SYNE1: variants seen among roughly 807,000 people sequenced by gnomAD.
SYNE1 encodes the protein nesprin-1.
In SYNE1, 616 loss-of-function variants were observed where a neutral mutation model predicts 1,111.0. The ratio of observed to expected loss-of-function variants is 0.55; its 90% confidence interval spans 0.52 to 0.59. SYNE1 has a LOEUF of 0.59. SYNE1 is among the 20% of genes least tolerant of loss of function. The probability of loss-of-function intolerance (pLI) is 0.00; values close to 1 mark genes in which losing one functional copy is unlikely to be tolerated. For missense variants in SYNE1, 10,006 were observed against 10,417.0 expected, an observed-to-expected ratio of 0.96 and a Z score of 1.72; for synonymous variants, 3,855 against 3,825.8, an observed-to-expected ratio of 1.01 and a Z score of -0.28.
At chr6:152,197,471 C>T (rs977215751) in intron 127 of SYNE1, among the ~76,000 whole-genome samples, 7 of 152,152 alleles carry the variant, frequency 4.6e-5, no homozygotes, top group Admixed American at 2.0e-4. Flanking sequence ...GCAGCTATAG[C>T]CTCACAAAGT....
Position 152,235,123 on chromosome 6 carries a change from T to C in SYNE1, c.20397-323A>G, listed in dbSNP as rs12110523. Among the ~76,000 whole-genome samples, 29,190 of 152,096 alleles carry C rather than the reference T, an allele frequency of 0.19. 3,033 individuals carry two copies. Among genetic ancestry groups the C allele is most frequent in the African/African-American group, 0.24 (10,084 of 41,484 alleles). On this transcript the variant is annotated intron_variant, in intron 110 of 145. Coordinates refer to ENST00000367255, the MANE Select transcript of SYNE1 (RefSeq NM_182961.4). ...GGCGGCTTAGACACAGACTATGTCATTATGTAAAAATCAACCCTCCACCCC... is the reference window on the plus strand; with the variant it reads ...GGCGGCTTAGACACAGACTATGTCACTATGTAAAAATCAACCCTCCACCCC...
intron 127 of SYNE1, among the ~76,000 whole-genome samples, chr6:152,190,642 T>C (rs1372448404): frequency 6.6e-6 from 1 of 152,194 alleles, no homozygotes; most frequent in Admixed American, 6.5e-5. Flanking sequence ...CTGACTACAT[T>C]TGCCTTGTTG....
At chr6:152,452,617 T>C (rs1269770292) in intron 25 of SYNE1, among the ~76,000 whole-genome samples, 1 of 152,198 alleles carries the variant, frequency 6.6e-6, no homozygotes, top group Non-Finnish European at 1.5e-5. Context: ...AACTCCTCCA[T>C]GTAGCGCATG....
In SYNE1 at chr6:152,344,119, G is replaced by A. The variant is rs1323522495; in HGVS notation, c.12187C>T (p.Pro4063Ser). ...TCTGCCCTACTAAGAGGTGGTTGAG[G>A]ACTTGGCTCTAAATCCGGCTGGACT... ...SAVQPDLEPS[P>S]QPPLSRAEAI... The change falls in exon 74 of 146, where the codon CCT (proline) becomes TCT (serine). Residue 4063 changes from proline (P) to serine (S), a missense_variant. Pro to Ser is a moderately conservative substitution (Grantham distance 74, BLOSUM62 -1). Coordinates refer to ENST00000367255, the MANE Select transcript of SYNE1 (RefSeq NM_182961.4). 1 of 1,614,084 alleles carries A rather than the reference G, an allele frequency of 6.2e-7. No homozygotes were observed. The highest frequency in any genetic ancestry group is 8.5e-7 in the Non-Finnish European group (1 of 1,180,040).
intron 5 of SYNE1, among the ~76,000 whole-genome samples, chr6:152,524,500 C>T (rs1223671231): frequency 2.6e-5 from 4 of 151,754 alleles, no homozygotes; most frequent in Admixed American, 6.6e-5. Flanking sequence ...ATCAGGTAAT[C>T]AAGGGAGTAT....
intron 81 of SYNE1, 60 bp from the exon 82 acceptor site, chr6:152,323,797 A>T: frequency 6.3e-7 from 1 of 1,586,172 alleles, no homozygotes; most frequent in Non-Finnish European, 8.6e-7. Flanking sequence ...AAAATAGGGT[A>T]ACTCCCATAA....
intron 58 of SYNE1, among the ~76,000 whole-genome samples, chr6:152,374,986 G>C (rs1034831484): frequency 6.6e-6 from 1 of 150,998 alleles, no homozygotes; most frequent in Admixed American, 6.6e-5. Context: ...TATAGCCCAG[G>C]CTGGAGTGCA....
intron 14 of SYNE1, among the ~76,000 whole-genome samples, chr6:152,477,303 G>A (rs984122870): frequency 2.6e-5 from 4 of 152,162 alleles, no homozygotes; most frequent in African/African-American, 9.7e-5. Flanking sequence ...ACATCAAATG[G>A]GAAAGGGGAA....
Position 152,225,759 on chromosome 6 carries a change from G to A in SYNE1, c.21313C>T (p.Arg7105Ter). Residue 7105 changes from arginine (R) to a stop codon, truncating the protein, a stop_gained, in exon 116 of 146, where the codon CGA (arginine) becomes TGA (stop). Transcript: ENST00000367255. LOFTEE classifies it high-confidence loss of function. ...TTTGCCCAGGTTTGGCCGAGCTCTC[G>A]CAGTGTGCTCATGACAATGCTAGAG... ...DVSSIVMSTLRELGQTWANLD... is the reference protein window; with the variant it reads ...DVSSIVMSTL The A allele has an allele frequency of 7.4e-6, 12 of 1,614,076 alleles. No individual in the cohort carries two copies. Among genetic ancestry groups the A allele is most frequent in the Non-Finnish European group, 9.3e-6 (11 of 1,179,986 alleles).
At chr6:152,361,407 A>C (rs2096928364) in intron 64 of SYNE1, among the ~76,000 whole-genome samples, 2 of 152,234 alleles carry the variant, frequency 1.3e-5, no homozygotes, top group Admixed American at 6.5e-5. Flanking sequence ...GAGGCAAGAA[A>C]CAAGGTGAAA....
chr6:152,277,262 T>C (rs1359698134), intron 98 of SYNE1, among the ~76,000 whole-genome samples: 2 of 145,558 alleles, frequency 1.4e-5, no homozygotes, highest in African/African-American at 5.2e-5. Flanking sequence ...CTTTTTCTTT[T>C]TCTTTTTTTT....
intron 98 of SYNE1, chr6:152,277,759 T>C (rs1231069804): frequency 2.5e-6 from 1 of 407,188 alleles, no homozygotes; most frequent in Non-Finnish European, 4.6e-6. Context: ...CATTCCTCTA[T>C]ATACCACTTT....
chr6:152,327,314 A>G (rs1335280211), intron 78 of SYNE1, among the ~76,000 whole-genome samples: 1 of 150,760 alleles, frequency 6.6e-6, no homozygotes, highest in Non-Finnish European at 1.5e-5. Context: ...GGAAAAGAAA[A>G]GAAAAAAAAA....
intron 3 of SYNE1, among the ~76,000 whole-genome samples, chr6:152,544,352 G>A (rs1006985496): frequency 1.5e-4 from 23 of 152,092 alleles, no homozygotes; most frequent in African/African-American, 5.3e-4. Flanking sequence ...AGGCCAGACC[G>A]TGTAACATTA....
intron 3 of SYNE1, among the ~76,000 whole-genome samples, chr6:152,595,135 C>T (rs2099577275): frequency 1.3e-5 from 2 of 152,284 alleles, no homozygotes; most frequent in Admixed American, 1.3e-4. Flanking sequence ...ACTAAAAATA[C>T]TGGGGAGGAC....
chr6:152,365,521 G>A (rs974869935), intron 62 of SYNE1, among the ~76,000 whole-genome samples: 1 of 152,156 alleles, frequency 6.6e-6, no homozygotes, highest in Non-Finnish European at 1.5e-5. Context: ...GTGCAGTGGT[G>A]TAATCATAGT....
chr6:152,475,972 T>C (rs964210518), intron 14 of SYNE1, among the ~76,000 whole-genome samples: 1 of 152,260 alleles, frequency 6.6e-6, no homozygotes, highest in African/African-American at 2.4e-5. Flanking sequence ...TAGCTGGATT[T>C]CCTCCAACTT....
chr6:152,528,540 C>T (rs566373795), intron 4 of SYNE1, among the ~76,000 whole-genome samples: 4 of 152,272 alleles, frequency 2.6e-5, no homozygotes, highest in African/African-American at 4.8e-5. Flanking sequence ...AATATTTCTC[C>T]TGTCACATGT....
At position 152,511,080 on chromosome 6, in the gene SYNE1, G is replaced by A. The variant is rs1435194441; in HGVS notation, c.333C>T (p.Ser111=). Residue 111 remains serine, a synonymous_variant, in exon 7 of 146, where the codon TCC becomes TCT. Transcript: ENST00000367255. The stretch of plus-strand genomic sequence containing the variant: ...AGGGTCGGCCATCAGCTATATCGGT[G>A]GAGTTAATGTTGACTAATTTAATCT... ...GRKIKLVNIN[S]TDIADGRPSI... 12 of 1,613,890 alleles carry A rather than the reference G, an allele frequency of 7.4e-6. No individual in the cohort carries two copies. The East Asian group carries it at 2.5e-4, about 33-fold the overall frequency.
Sources: allele counts gnomAD v4.1 joint callset (sites outside exome capture counted in the v4.1 genomes callset), GRCh38; gene constraint gnomAD v4.1.1; transcripts MANE v1.5; gene names NCBI Gene and HGNC (gene_info 2026-07-23, HGNC 2026-07-21).